NBEA: variants seen among roughly 807,000 people sequenced by gnomAD.
NBEA encodes neurobeachin, also known as lysosomal-trafficking regulator 2.
In NBEA, 44 loss-of-function variants were observed where a neutral mutation model predicts 343.4. The ratio of observed to expected loss-of-function variants is 0.13; its 90% CI spans 0.10 to 0.16. The LOEUF is 0.16. Among genes scored for constraint, NBEA ranks in the 10% least tolerant of loss-of-function variants. NBEA has a pLI of 1.00. For synonymous variants in NBEA, 1,175 were observed against 1,238.7 expected (o/e 0.95, Z 1.08); for missense variants, 2,555 against 3,631.3 (o/e 0.70, Z 7.62).
At chr13:35,435,202 A>G (rs1204152659) in intron 39 of NBEA, among the ~76,000 whole-genome samples, 5 of 152,094 alleles carry the variant, frequency 3.3e-5, no homozygotes, top group East Asian at 3.9e-4. Context: ...TAGTAGAGAC[A>G]GGGTTTCACT....
chr13:35,219,151 G>T (rs947565399), intron 33 of NBEA, among the ~76,000 whole-genome samples: 54 of 151,814 alleles, frequency 3.6e-4, no homozygotes, highest in African/African-American at 1.2e-3. Context: ...TTTTAATCTT[G>T]ATATTCTTTA....
At chr13:35,580,614 A>T (rs1484968012) in intron 45 of NBEA, among the ~76,000 whole-genome samples, 1 of 152,170 alleles carries the variant, frequency 6.6e-6, no homozygotes, top group Non-Finnish European at 1.5e-5. Context: ...CAAAATTCTT[A>T]TTTCCCCAAA....
At chr13:35,489,275 G>A (rs1194161691) in intron 41 of NBEA, among the ~76,000 whole-genome samples, 1 of 151,772 alleles carries the variant, frequency 6.6e-6, no homozygotes, top group Non-Finnish European at 1.5e-5. Flanking sequence ...TGTTTCATCT[G>A]GTGGCTTATG....
In NBEA at chr13:35,042,002, A is replaced by C. The variant is rs1355158535; in HGVS notation, c.526+838A>C. ...TGCTGATATTACCCTCCACAGTATT[A>C]TACCTGATCCTGGAAAGTAGTTCAG... On this transcript the variant is annotated intron_variant, in intron 2 of 58. Coordinates refer to ENST00000379939, the MANE Select transcript of NBEA (RefSeq NM_001385012.1). Among the ~76,000 whole-genome samples the C allele has an allele frequency of 2.6e-5, 4 of 152,050 alleles. No individual in the cohort carries two copies. In the East Asian group the frequency reaches 7.7e-4, roughly 29 times the overall value.
intron 55 of NBEA, among the ~76,000 whole-genome samples, chr13:35,658,393 G>A (rs932909511): frequency 6.6e-6 from 1 of 152,116 alleles, no homozygotes; most frequent in Non-Finnish European, 1.5e-5. Flanking sequence ...ATTAATAAAA[G>A]GGAAAAGTGC....
At chr13:35,156,697 A>G (rs981192855) in intron 20 of NBEA, among the ~76,000 whole-genome samples, 2 of 152,178 alleles carry the variant, frequency 1.3e-5, no homozygotes, top group Non-Finnish European at 2.9e-5. Context: ...TACTGTGTTC[A>G]GTGTAAGACT....
intron 36 of NBEA, among the ~76,000 whole-genome samples, chr13:35,312,748 A>G (rs1463306701): frequency 1.3e-5 from 2 of 152,220 alleles, no homozygotes; most frequent in Non-Finnish European, 2.9e-5. Context: ...AATATATTGG[A>G]TGGAAGAGGG....
At chr13:35,079,103 T>G (rs1385873535) in intron 10 of NBEA, among the ~76,000 whole-genome samples, 2 of 152,168 alleles carry the variant, frequency 1.3e-5, no homozygotes, top group African/African-American at 4.8e-5. Context: ...AAAATGACCC[T>G]GTATGAAATA....
intron 41 of NBEA, among the ~76,000 whole-genome samples, chr13:35,533,386 T>C (rs2078361921): frequency 6.6e-6 from 1 of 152,182 alleles, no homozygotes; most frequent in Non-Finnish European, 1.5e-5. Context: ...GCATGTTATT[T>C]TTCCATATTA....
chr13:35,015,144 C>CAA (rs1294052204), intron 1 of NBEA, among the ~76,000 whole-genome samples: 1 of 108,806 alleles, frequency 9.2e-6, no homozygotes, highest in African/African-American at 3.7e-5. Flanking sequence ...AAAAAACAAA[C>CAA]AAAAAAAAAA....
At position 35,161,771 on chromosome 13, in the gene NBEA, A is replaced by G; in HGVS notation, c.3883A>G (p.Thr1295Ala). 1 of 1,611,320 alleles carries G rather than the reference A, an allele frequency of 6.2e-7. No individual in the cohort carries two copies. The highest frequency in any genetic ancestry group is 8.5e-7 in the Non-Finnish European group (1 of 1,178,842). Reference sequence around the variant, plus strand: ...TTAGGCTGTGCAGGGTCGGTCTATCACCCAACAAGACCGAGATCTCCGAGT... The same window carrying G: ...TTAGGCTGTGCAGGGTCGGTCTATCGCCCAACAAGACCGAGATCTCCGAGT... Reference protein sequence around the residue: ...TTQAVQGRSITQQDRDLRVDL... With the variant: ...TTQAVQGRSIAQQDRDLRVDL... Residue 1295 changes from threonine to alanine, a missense_variant, in exon 23 of 59, where the codon ACC becomes GCC. Physicochemically the swap from Thr to Ala is moderately conservative, Grantham distance 58. This residue lies in a region of NBEA where 367 missense variants were observed against 377.5 expected (regional missense o/e 0.97). Coordinates refer to ENST00000379939, the MANE Select transcript of NBEA (RefSeq NM_001385012.1).
intron 34 of NBEA, among the ~76,000 whole-genome samples, chr13:35,243,359 A>G (rs925541642): frequency 6.6e-6 from 1 of 151,920 alleles, no homozygotes; most frequent in Non-Finnish European, 1.5e-5. Flanking sequence ...GAAATAAGAG[A>G]CAAAAATACA....
In NBEA at chr13:35,159,295, G is replaced by T; in HGVS notation, c.3124G>T (p.Asp1042Tyr). The T allele has an allele frequency of 6.2e-7, 1 of 1,613,536 alleles. No homozygotes were observed. The highest frequency in any genetic ancestry group is 8.5e-7 in the Non-Finnish European group (1 of 1,179,656). ...KVSDDILGNS[D>Y]RPGSGVHVEV... is the part of the protein sequence containing the mutation. The stretch of plus-strand genomic sequence containing the variant: ...GTCAGATGATATTCTTGGAAATTCA[G>T]ATAGACCAGGAAGTGGTGTACATGT... The change falls in exon 22 of 59, where the codon GAT becomes TAT. Residue 1042 changes from aspartate (D) to tyrosine (Y), a missense_variant. Transcript: ENST00000379939.
intron 55 of NBEA, among the ~76,000 whole-genome samples, chr13:35,660,770 C>T (rs2085054106): frequency 6.6e-6 from 1 of 152,112 alleles, no homozygotes; most frequent in Admixed American, 6.6e-5. Context: ...CGATGGATAG[C>T]CCAGAGAGAT....
chr13:35,237,184 G>T (rs2075278282), intron 34 of NBEA, among the ~76,000 whole-genome samples: 1 of 152,092 alleles, frequency 6.6e-6, no homozygotes, highest in Non-Finnish European at 1.5e-5. Flanking sequence ...TTGAGTGGGA[G>T]ATTGAGGCTG....
At chr13:35,323,070 G>A (rs1367317785) in intron 36 of NBEA, among the ~76,000 whole-genome samples, 1 of 151,732 alleles carries the variant, frequency 6.6e-6, no homozygotes, top group East Asian at 1.9e-4. Context: ...GTCTGGTCTC[G>A]AACTCCTGAA....
intron 39 of NBEA, among the ~76,000 whole-genome samples, chr13:35,443,774 A>T (rs2045858758): frequency 6.6e-6 from 1 of 151,998 alleles, no homozygotes; most frequent in Admixed American, 6.6e-5. Flanking sequence ...ATTCTTTCTA[A>T]TTTAGTGTTT....
chr13:35,668,400 G>T lies in NBEA; in HGVS notation c.8694G>T (p.Leu2898=). The T allele has an allele frequency of 3.7e-6, 6 of 1,611,306 alleles. No homozygotes were observed. The highest frequency in any genetic ancestry group is 5.1e-6 in the Non-Finnish European group (6 of 1,178,560). ...AILLSSDGQN[L]VTGGDNGVVE... ...TCCTGAGCAGTGACGGCCAGAACCT[G>T]GTCACCGGAGGGGACAATGGGGTAG... Residue 2898 remains leucine, a synonymous_variant, in exon 58 of 59, where the codon CTG becomes CTT. Transcript: ENST00000379939.
intron 13 of NBEA, among the ~76,000 whole-genome samples, chr13:35,112,725 G>A (rs1319863820): frequency 6.6e-6 from 1 of 152,016 alleles, no homozygotes; most frequent in Non-Finnish European, 1.5e-5. Context: ...TATCACTTTA[G>A]CCTTTACTAT....
Sources: allele counts gnomAD v4.1 joint callset (sites outside exome capture counted in the v4.1 genomes callset), GRCh38; gene constraint gnomAD v4.1.1; regional missense constraint gnomAD v4.1.1; transcripts MANE v1.5; gene names NCBI Gene and HGNC (gene_info 2026-07-23, HGNC 2026-07-21).